SYNPR: variants seen among roughly 807,000 people sequenced by gnomAD.
The protein encoded by SYNPR is synaptoporin.
In SYNPR, 23 loss-of-function variants were observed where a neutral mutation model predicts 32.9. That is an observed-to-expected ratio of 0.70 (90% CI 0.50 to 0.99). The LOEUF (loss-of-function observed/expected upper bound fraction) is 0.99. SYNPR is among the 50% of genes least tolerant of loss of function. SYNPR has a pLI of 0.00. For missense variants in SYNPR, 318 were observed against 349.3 expected (o/e 0.91, Z 0.71); for synonymous variants, 146 against 135.9 (o/e 1.07, Z -0.52).
chr3:63,470,666 G>C (rs1233987302), intron 2 of SYNPR, among the ~76,000 whole-genome samples: 1 of 152,106 alleles, frequency 6.6e-6, no homozygotes, highest in African/African-American at 2.4e-5. Flanking sequence ...TCAGACAGTG[G>C]AGGCTAACTG....
Position 63,614,214 on chromosome 3 carries a change from G to C in SYNPR, c.601-1010G>C, listed in dbSNP as rs941176957. Among the ~76,000 whole-genome samples, 3 of 152,246 alleles carry C rather than the reference G, an allele frequency of 2.0e-5. No individual in the cohort carries two copies. In the East Asian group the frequency reaches 5.8e-4, roughly 29 times the overall value. ...CTAAATATACTTTAATGTTATCACAGCTTTGCGTTATACTACTGTTACCTG... is the reference window on the plus strand; with the variant it reads ...CTAAATATACTTTAATGTTATCACACCTTTGCGTTATACTACTGTTACCTG... On this transcript the variant is annotated intron_variant, in intron 5 of 5. Transcript: ENST00000478300.
Position 63,234,059 on chromosome 3 carries a change from G to A in SYNPR, n.66+5679G>A, listed in dbSNP as rs149690356. Among the ~76,000 whole-genome samples, 1,019 of 152,248 alleles carry A rather than the reference G, an allele frequency of 6.7e-3. 14 individuals carry two copies. The highest frequency in any genetic ancestry group is 0.022 in the African/African-American group (921 of 41,548). ...GTCCGTTTTCACACTGCTGATAAAG[G>A]CATACCTGAGACTGGGAAATTTACA... On this transcript the variant is annotated intron_variant and non_coding_transcript_variant, in intron 1 of 4. Transcript: ENST00000478456.
Position 63,256,496 on chromosome 3 carries a change from G to A in SYNPR, n.154+3910G>A, listed in dbSNP as rs149105805. On this transcript the variant is annotated intron_variant and non_coding_transcript_variant, in intron 2 of 4. Transcript: ENST00000478456. ...ATCTCCAGCAAACTCCAACAGACCC[G>A]CAGCTGAGGGTCCTGACTGTTAGAA... Among the ~76,000 whole-genome samples, 890 of 152,286 alleles carry A rather than the reference G, an allele frequency of 5.8e-3. 8 individuals are homozygous for A. Among genetic ancestry groups the A allele is most frequent in the African/African-American group, 0.02 (833 of 41,550 alleles).
chr3:63,472,029 G>T (rs1254705912), intron 2 of SYNPR, among the ~76,000 whole-genome samples: 2 of 152,234 alleles, frequency 1.3e-5, no homozygotes, highest in East Asian at 1.9e-4. Flanking sequence ...ATGCTGCGGA[G>T]TGGAGGCTTG....
At chr3:63,491,175 G>A (rs1344309515) in intron 3 of SYNPR, among the ~76,000 whole-genome samples, 1 of 152,114 alleles carries the variant, frequency 6.6e-6, no homozygotes, top group Non-Finnish European at 1.5e-5. Flanking sequence ...AGACCAGAAA[G>A]CAATAAGAAA....
In SYNPR at chr3:63,487,957, A is replaced by G. The variant is rs140790539; in HGVS notation, c.209+7001A>G. Among the ~76,000 whole-genome samples, 751 of 151,944 alleles carry G rather than the reference A, an allele frequency of 4.9e-3. 9 individuals are homozygous for G. The highest frequency in any genetic ancestry group is 0.042 in the East Asian group (217 of 5,138). On this transcript the variant is annotated intron_variant, in intron 3 of 5. Transcript: ENST00000478300. ...AATAAGCACCATTCCCCCGCTCATG[A>G]CTCTAGCCACTTGCTCTGTCGTTCC...
intron 3 of SYNPR, among the ~76,000 whole-genome samples, chr3:63,485,768 A>G (rs1450659595): frequency 6.6e-6 from 1 of 152,182 alleles, no homozygotes; most frequent in Non-Finnish European, 1.5e-5. Context: ...CCTTGGTTGA[A>G]CAAATAACTA....
intron 2 of SYNPR, among the ~76,000 whole-genome samples, chr3:63,396,678 AT>A (rs2088218563): frequency 1.3e-5 from 2 of 152,176 alleles, no homozygotes; most frequent in South Asian, 4.1e-4. Flanking sequence ...TCTGACATAG[AT>A]GCAAACTGGA....
chr3:63,457,718 G>A (rs1053427043), intron 2 of SYNPR, among the ~76,000 whole-genome samples: 2 of 152,096 alleles, frequency 1.3e-5, no homozygotes, highest in East Asian at 3.9e-4. Flanking sequence ...AAGGTCACCT[G>A]AAAAATTATA....
At chr3:63,340,302 AT>A (rs1033394644) in intron 2 of SYNPR, among the ~76,000 whole-genome samples, 4 of 151,642 alleles carry the variant, frequency 2.6e-5, no homozygotes, top group African/African-American at 7.3e-5. Context: ...TGGCCATAAG[AT>A]TTTTTTTCTC....
chr3:63,603,860 C>T (rs1264235575), intron 4 of SYNPR, among the ~76,000 whole-genome samples: 1 of 152,024 alleles, frequency 6.6e-6, no homozygotes, highest in Non-Finnish European at 1.5e-5. Flanking sequence ...ATGATGTTGG[C>T]CTCATAGGAT....
chr3:63,367,820 C>G (rs937218655), intron 2 of SYNPR, among the ~76,000 whole-genome samples: 3 of 152,066 alleles, frequency 2.0e-5, no homozygotes, highest in African/African-American at 7.2e-5. Context: ...TCCCATTTCC[C>G]CAGATCTGAA....
chr3:63,559,325 G>T (rs916470791), intron 4 of SYNPR, among the ~76,000 whole-genome samples: 1 of 152,072 alleles, frequency 6.6e-6, no homozygotes, highest in African/African-American at 2.4e-5. Flanking sequence ...CAATCTAGCA[G>T]CCTTGGCCTC....
chr3:63,593,640 C>T (rs775078920), intron 4 of SYNPR, among the ~76,000 whole-genome samples: 10 of 152,088 alleles, frequency 6.6e-5, no homozygotes, highest in Non-Finnish European at 1.0e-4. Context: ...AATTTAACTT[C>T]GGGGAAAAAG....
In SYNPR at chr3:63,298,211, C is replaced by A. The variant is rs544943828; in HGVS notation, c.84+19469C>A. Among the ~76,000 whole-genome samples the A allele has an allele frequency of 1.2e-4, 19 of 152,258 alleles. No individual in the cohort carries two copies. In the South Asian group the frequency reaches 3.9e-3, roughly 32 times the overall value. On this transcript the variant is annotated intron_variant, in intron 2 of 5. Transcript: ENST00000478300. The stretch of plus-strand genomic sequence containing the variant: ...GGTTTGGCCTACACTCAGGAATGAG[C>A]AAGGGCAACTTGGAGGTTAGAAGCA...
chr3:63,228,975 G>A (rs1575570296), intron 1 of SYNPR, among the ~76,000 whole-genome samples: 1 of 152,202 alleles, frequency 6.6e-6, no homozygotes, highest in East Asian at 1.9e-4. Context: ...ACATTTAGAT[G>A]TTCTCTAAAG....
intron 3 of SYNPR, among the ~76,000 whole-genome samples, chr3:63,530,454 T>C (rs2106787883): frequency 6.6e-6 from 1 of 152,314 alleles, no homozygotes; most frequent in South Asian, 2.1e-4. Context: ...TTCTGTATAT[T>C]GAGGAATAAT....
chr3:63,345,716 T>A (rs1361134792), intron 2 of SYNPR, among the ~76,000 whole-genome samples: 5 of 152,140 alleles, frequency 3.3e-5, no homozygotes, highest in African/African-American at 4.8e-5. Context: ...GAGAGAAAGG[T>A]GAGAAGTGGA....
chr3:63,543,541 T>C (rs1702344476), intron 3 of SYNPR, among the ~76,000 whole-genome samples: 1 of 152,070 alleles, frequency 6.6e-6, no homozygotes, highest in Admixed American at 6.6e-5. Context: ...TTGTTTTTGT[T>C]TTTGTTTTTG....
Sources: gnomAD v4.1 joint callset for allele counts (sites outside exome capture counted in the v4.1 genomes callset) on GRCh38, gnomAD v4.1.1 for gene constraint, MANE v1.5 for transcripts, NCBI Gene and HGNC (gene_info 2026-07-23, HGNC 2026-07-21) for gene names.